Variants in TCF7 observed in about 807,000 individuals in gnomAD.
TCF7 encodes transcription factor 7.
Under a neutral mutation model 46.8 loss-of-function variants are expected in TCF7, and 19 were observed. That is an observed-to-expected ratio of 0.41 (90% CI 0.28 to 0.60). The LOEUF is 0.60. Ranked by LOEUF, TCF7 falls within the 20% of genes least tolerant of loss-of-function variation. The pLI is 0.35. For synonymous variants in TCF7, 245 were observed against 213.4 expected, an observed-to-expected ratio of 1.15 and a Z score of -1.29; for missense variants, 547 against 504.6, an observed-to-expected ratio of 1.08 and a Z score of -0.81.
At position 134,146,530 on chromosome 5, in the gene TCF7, G is replaced by GGACA. The variant is rs766782269; in HGVS notation, c.*228_*231dup. On this transcript the variant is annotated 3_prime_UTR_variant, in exon 10 of 10. Coordinates refer to ENST00000342854, the MANE Select transcript of TCF7 (RefSeq NM_003202.5). ...AGAGACAGGTGGCCTAGCAGGCACA[G>GGACA]GACACCTGGCCGCCTCCAGGAGCCT... 5 of 723,964 alleles carry GGACA rather than the reference G, an allele frequency of 6.9e-6. No individual in the cohort carries two copies. Among genetic ancestry groups the GGACA allele is most frequent in the Non-Finnish European group, 1.3e-5 (5 of 390,622 alleles). 44.8% of individuals were successfully genotyped at this position (723,964 alleles called of 1,614,324 possible). A position where few individuals can be genotyped will look rare whatever the true frequency, so the allele number is the denominator to read the frequency against.
chr5:134,125,812 C>A (rs1482802234), intron 3 of TCF7, among the ~76,000 whole-genome samples: 1 of 152,204 alleles, frequency 6.6e-6, no homozygotes, highest in Non-Finnish European at 1.5e-5. Context: ...CCGGGAGACC[C>A]CGGTGTCCGG....
chr5:134,114,400 A>G (rs1198096778), upstream of TCF7, among the ~76,000 whole-genome samples: 1 of 152,098 alleles, frequency 6.6e-6, no homozygotes, highest in African/African-American at 2.4e-5. Flanking sequence ...CCCGCCCTCC[A>G]CAGCCGGAGG....
At chr5:134,144,528 A>G in intron 9 of TCF7, 2 of 468,326 alleles carry the variant, frequency 4.3e-6, no homozygotes, top group South Asian at 4.8e-5. Flanking sequence ...CACAGAGATG[A>G]GCCAGATTGA....
intron 4 of TCF7, chr5:134,138,733 T>C: frequency 1.6e-6 from 1 of 639,820 alleles, no homozygotes; most frequent in South Asian, 2.2e-5. Context: ...CCTAATGTCT[T>C]AGGCAAGTCA....
chr5:134,115,962 G>T lies in TCF7; in HGVS notation c.370G>T (p.Ala124Ser). ...SGMYKETVYS[A>S]FNLLMHYPPP... ...CATGTACAAAGAGACCGTCTACTCC[G>T]CCTTCAATCTGCTCATGCATTACCC... The change falls in exon 3 of 10, where the codon GCC (alanine) becomes TCC (serine). Residue 124 changes from alanine to serine, a missense_variant. Coordinates refer to ENST00000342854, the MANE Select transcript of TCF7 (RefSeq NM_003202.5). The T allele has an allele frequency of 6.2e-7, 1 of 1,613,972 alleles. No homozygotes were observed. Among genetic ancestry groups the T allele is most frequent in the Non-Finnish European group, 8.5e-7 (1 of 1,180,012 alleles).
At chr5:134,136,169 A>G (rs200881546) in intron 3 of TCF7, among the ~76,000 whole-genome samples, 1 of 151,952 alleles carries the variant, frequency 6.6e-6, no homozygotes, top group Non-Finnish European at 1.5e-5. Flanking sequence ...CTGGGGGAGG[A>G]TTTAGAGATG....
intron 3 of TCF7, among the ~76,000 whole-genome samples, chr5:134,122,056 A>G (rs1343002031): frequency 6.6e-6 from 1 of 152,168 alleles, no homozygotes; most frequent in East Asian, 1.9e-4. Flanking sequence ...AGTATTGGCT[A>G]TCACATTTGG....
At chr5:134,121,835 T>C (rs560719152) in intron 3 of TCF7, among the ~76,000 whole-genome samples, 2 of 152,304 alleles carry the variant, frequency 1.3e-5, no homozygotes, top group Non-Finnish European at 2.9e-5. Flanking sequence ...AACAGAATTA[T>C]GGGGTCAAGA....
chr5:134,116,957 T>C (rs1226994808), intron 3 of TCF7, among the ~76,000 whole-genome samples: 1 of 152,214 alleles, frequency 6.6e-6, no homozygotes, highest in Non-Finnish European at 1.5e-5. Flanking sequence ...GGCTGGAGGC[T>C]CGCATGGCTA....
At chr5:134,135,805 A>G (rs1488590213) in intron 3 of TCF7, among the ~76,000 whole-genome samples, 2 of 152,198 alleles carry the variant, frequency 1.3e-5, no homozygotes, top group Non-Finnish European at 2.9e-5. Context: ...AACCCAGATG[A>G]GAGGAAGATG....
chr5:134,138,555 G>GAA lies in TCF7; in HGVS notation c.547+393_548-393dup, dbSNP rs1319708391. 96 of 279,568 alleles carry GAA rather than the reference G, an allele frequency of 3.4e-4. 6 individuals carry two copies. Among genetic ancestry groups the GAA allele is most frequent in the Non-Finnish European group, 1.4e-5 (2 of 147,960 alleles). The allele number at this position is 279,568 out of a possible 1,614,324, so 17.3% of individuals were successfully genotyped here. On this transcript the variant is annotated intron_variant, in intron 4 of 9. Transcript: ENST00000342854. ...TGAAATCCCTCATTGTCAGCTGTGG[G>GAA]AAACCTGCTGACTCAACCCTGGGGG...
chr5:134,135,564 C>A (rs1005271328), intron 3 of TCF7, among the ~76,000 whole-genome samples: 1 of 152,068 alleles, frequency 6.6e-6, no homozygotes, highest in Admixed American at 6.6e-5. Context: ...AAGGATGACT[C>A]CAAGATCTTT....
Position 134,146,405 on chromosome 5 carries a change from T to G in TCF7, c.*102T>G. ...TAGCCCTGCGGAGCCGGCACCTACA[T>G]CCCCAGGTCTCTCCACTGCTCTCAG... On this transcript the variant is annotated 3_prime_UTR_variant, in exon 10 of 10. Transcript: ENST00000342854. 1 of 1,394,870 alleles carries G rather than the reference T, an allele frequency of 7.2e-7. No individual in the cohort carries two copies. Among genetic ancestry groups the G allele is most frequent in the Non-Finnish European group, 1.0e-6 (1 of 980,806 alleles). 86.4% of individuals were successfully genotyped at this position (1,394,870 alleles called of 1,614,324 possible).
intron 5 of TCF7, among the ~76,000 whole-genome samples, chr5:134,140,019 CT>C (rs1759500427): frequency 6.6e-6 from 1 of 152,216 alleles, no homozygotes; most frequent in South Asian, 2.1e-4. Context: ...AAAGCATCCC[CT>C]AGGCCAGCAG....
chr5:134,142,394 C>A, intron 6 of TCF7, 90 bp downstream of exon 6: 2 of 1,327,456 alleles, frequency 1.5e-6, no homozygotes, highest in Non-Finnish European at 2.0e-6. Context: ...GAGGTCCCTG[C>A]CTAAGCTGTT....
At chr5:134,125,149 T>C (rs993473676) in intron 3 of TCF7, among the ~76,000 whole-genome samples, 1 of 152,104 alleles carries the variant, frequency 6.6e-6, no homozygotes, top group Non-Finnish European at 1.5e-5. Flanking sequence ...GAAGGGGTCA[T>C]GGGGAGGGAG....
intron 3 of TCF7, among the ~76,000 whole-genome samples, chr5:134,123,193 C>T (rs1270709474): frequency 6.6e-6 from 1 of 152,196 alleles, no homozygotes; most frequent in East Asian, 1.9e-4. Flanking sequence ...TGAGGTGGGA[C>T]TGGGGCCTTG....
chr5:134,127,377 G>A (rs531548040), intron 3 of TCF7, among the ~76,000 whole-genome samples: 28 of 152,374 alleles, frequency 1.8e-4, no homozygotes, highest in Admixed American at 5.9e-4. Context: ...AAAAGTATCC[G>A]TAAATGACAT....
At position 134,115,049 on chromosome 5, in the gene TCF7, TG is replaced by T; in HGVS notation, c.145del (p.Ala49ProfsTer8). On this transcript the variant is annotated frameshift_variant, in exon 1 of 10. Coordinates refer to ENST00000342854, the MANE Select transcript of TCF7 (RefSeq NM_003202.5). LOFTEE classifies it high-confidence loss of function. ...RDSAAGPERDLAELKSSLVNE... is the reference protein window; with the variant it reads ...RDSAAGPERDXAELKSSLVNE... ...AGCGCCGCCGGTCCCGAGCGCGACC[TG>T]GCCGAGCTCAAGTCGTCGCTCGTGA... The T allele has an allele frequency of 8.2e-7, 1 of 1,225,750 alleles. No homozygotes were observed. Among genetic ancestry groups the T allele is most frequent in the Non-Finnish European group, 1.0e-6 (1 of 958,312 alleles). The allele number at this position is 1,225,750 out of a possible 1,614,324, so 75.9% of individuals were successfully genotyped here.
Sources: allele counts gnomAD v4.1 joint callset (sites outside exome capture counted in the v4.1 genomes callset), GRCh38; gene constraint gnomAD v4.1.1; transcripts MANE v1.5; gene names NCBI Gene and HGNC (gene_info 2026-07-23, HGNC 2026-07-21).